Variants in FARP2 observed in about 807,000 individuals in gnomAD.
FARP2 encodes FERM, ARH/RhoGEF and pleckstrin domain protein 2, also known as FERM, ARHGEF and pleckstrin domain-containing protein 2.
A neutral mutation model predicts 130.5 loss-of-function variants in FARP2; 111 were observed. The observed-to-expected ratio is 0.85, with a 90% CI of 0.73 to 1.00. The LOEUF is 1.00. FARP2 is among the 50% of genes least tolerant of loss of function. FARP2 has a pLI of 0.00. For synonymous variants in FARP2, 504 were observed against 516.9 expected (o/e 0.98, Z 0.34); for missense variants, 1,385 against 1,346.3 (o/e 1.03, Z -0.45).
rs756995247 is a variant in FARP2 at position 241,403,936 on chromosome 2, A to C, written c.288+4A>C. 4 of 1,554,368 alleles carry C rather than the reference A, an allele frequency of 2.6e-6. No individual in the cohort carries two copies. In the African/African-American group the frequency reaches 5.4e-5, roughly 21 times the overall value. ...TCAAAATACTCAGTCCTACTGGGTA[A>C]GTGCTTATGACGTGCCCAGGCGTGG... On this transcript the variant is annotated splice_donor_region_variant and intron_variant, in intron 3 of 26. Coordinates refer to ENST00000264042, the MANE Select transcript of FARP2 (RefSeq NM_014808.4).
At chr2:241,400,111 T>G (rs1445691541) in intron 2 of FARP2, among the ~76,000 whole-genome samples, 2 of 152,186 alleles carry the variant, frequency 1.3e-5, no homozygotes, top group Non-Finnish European at 2.9e-5. Flanking sequence ...ATTAGTGTAG[T>G]CAGGCAGGGC....
Position 241,380,600 on chromosome 2 carries a change from C to A in FARP2, c.183+7310C>A, listed in dbSNP as rs577286995. 3.3e-5 allele frequency among the ~76,000 whole-genome samples: 5 copies of A among 151,990 alleles called. No homozygotes were observed. The East Asian group carries it at 9.6e-4, about 29-fold the overall frequency. ...TGAAAATCCAAAACCTGAATTGTTC[C>A]ATGAGCATTTCCTTTGAACATCATG... On this transcript the variant is annotated intron_variant, in intron 2 of 26. Coordinates refer to ENST00000264042, the MANE Select transcript of FARP2 (RefSeq NM_014808.4).
At chr2:241,462,439 A>G in intron 14 of FARP2, 84 bp from the exon 15 acceptor site, 1 of 918,384 alleles carries the variant, frequency 1.1e-6, no homozygotes, top group Non-Finnish European at 1.8e-6. Flanking sequence ...AGAAGAAAGC[A>G]AACATTACCA....
chr2:241,367,445 A>G (rs2061341412), intron 1 of FARP2, among the ~76,000 whole-genome samples: 1 of 152,146 alleles, frequency 6.6e-6, no homozygotes, highest in African/African-American at 2.4e-5. Flanking sequence ...TTAGAAAGAG[A>G]ATAAAGAAGG....
chr2:241,492,665 G>A, intron 24 of FARP2: 1 of 406,156 alleles, frequency 2.5e-6, no homozygotes, highest in Non-Finnish European at 4.4e-6. Context: ...TGGGTTTGTG[G>A]ATGGTTGGTT....
Position 241,400,261 on chromosome 2 carries a change from G to A in FARP2, c.184-3567G>A, listed in dbSNP as rs549387213. Among the ~76,000 whole-genome samples the A allele has an allele frequency of 2.6e-4, 39 of 152,294 alleles. 1 individual carries two copies. The highest frequency in any genetic ancestry group is 2.4e-3 in the Admixed American group (36 of 15,296). Reference sequence around the variant, plus strand: ...CAGCTAAGAGAATTTCATATTCTCTGTGCCACCTGAAGTGCACACTCAAGC... The same window carrying A: ...CAGCTAAGAGAATTTCATATTCTCTATGCCACCTGAAGTGCACACTCAAGC... On this transcript the variant is annotated intron_variant, in intron 2 of 26. Coordinates refer to ENST00000264042, the MANE Select transcript of FARP2 (RefSeq NM_014808.4).
At chr2:241,379,168 C>G (rs182881982) in intron 2 of FARP2, among the ~76,000 whole-genome samples, 179 of 152,284 alleles carry the variant, frequency 1.2e-3, no homozygotes, top group African/African-American at 4.2e-3. Flanking sequence ...CTTCCCAGAT[C>G]TTTAGAGGGT....
chr2:241,412,391 A>T (rs2062543376), intron 6 of FARP2, among the ~76,000 whole-genome samples: 2 of 152,162 alleles, frequency 1.3e-5, no homozygotes, highest in African/African-American at 4.8e-5. Context: ...ATCAAATGTC[A>T]TAGTTTATAG....
chr2:241,441,511 C>A lies in FARP2; in HGVS notation c.1366C>A (p.Pro456Thr), dbSNP rs762944857. The change falls in exon 13 of 27, where the codon CCA (proline) becomes ACA (threonine). Residue 456 changes from proline to threonine, a missense_variant. Pro to Thr is a conservative substitution (Grantham distance 38, BLOSUM62 -1). Coordinates refer to ENST00000264042, the MANE Select transcript of FARP2 (RefSeq NM_014808.4). ...SGAVAGGPDT[P>T]SAQPLGPPAL... Reference sequence around the variant, plus strand: ...AGCAGTGGCTGGAGGCCCCGACACACCATCGGCCCAGCCCCTCGGGCCCCC... The same window carrying A: ...AGCAGTGGCTGGAGGCCCCGACACAACATCGGCCCAGCCCCTCGGGCCCCC... The A allele has an allele frequency of 1.9e-6, 3 of 1,613,984 alleles. No homozygotes were observed. Among genetic ancestry groups the A allele is most frequent in the African/African-American group, 2.7e-5 (2 of 74,926 alleles).
intron 2 of FARP2, among the ~76,000 whole-genome samples, chr2:241,379,166 A>C (rs2061605335): frequency 6.6e-6 from 1 of 152,232 alleles, no homozygotes; most frequent in African/African-American, 2.4e-5. Context: ...GTCTTCCCAG[A>C]TCTTTAGAGG....
chr2:241,469,439 G>C (rs1037335940), intron 18 of FARP2, among the ~76,000 whole-genome samples: 1 of 152,098 alleles, frequency 6.6e-6, no homozygotes, highest in Non-Finnish European at 1.5e-5. Context: ...AAAATACTTA[G>C]CATTTCCTCT....
chr2:241,435,388 G>A (rs1338727098), intron 11 of FARP2, among the ~76,000 whole-genome samples: 1 of 151,672 alleles, frequency 6.6e-6, no homozygotes, highest in Non-Finnish European at 1.5e-5. Context: ...TTATAGGTGT[G>A]AGCCACCATG....
At chr2:241,484,015 C>T in intron 20 of FARP2, 8 of 1,343,982 alleles carry the variant, frequency 6.0e-6, no homozygotes, top group African/African-American at 1.5e-5. Flanking sequence ...GCTTCTCAGC[C>T]AAGCTAGCTG....
rs550733300 is a variant in FARP2 at position 241,387,908 on chromosome 2, G to A, written c.183+14618G>A. Among the ~76,000 whole-genome samples, 26 of 150,504 alleles carry A rather than the reference G, an allele frequency of 1.7e-4. 1 individual carries two copies. Among genetic ancestry groups the A allele is most frequent in the Admixed American group, 5.3e-4 (8 of 15,100 alleles). ...AACTTGTACACAGAAAATCATAAAA[G>A]TATTGAAAAAAATCAAAGATCATCT... On this transcript the variant is annotated intron_variant, in intron 2 of 26. Coordinates refer to ENST00000264042, the MANE Select transcript of FARP2 (RefSeq NM_014808.4).
At chr2:241,414,132 C>A (rs2062602842) in intron 7 of FARP2, among the ~76,000 whole-genome samples, 1 of 152,082 alleles carries the variant, frequency 6.6e-6, no homozygotes, top group Admixed American at 6.5e-5. Context: ...CTAACAGTGT[C>A]TGCCTGTGTC....
chr2:241,437,814 G>A lies in FARP2; in HGVS notation c.1158+1276G>A, dbSNP rs961718929. Among the ~76,000 whole-genome samples the A allele has an allele frequency of 1.1e-4, 16 of 151,894 alleles. 1 individual carries two copies. Among genetic ancestry groups the A allele is most frequent in the Admixed American group, 5.9e-4 (9 of 15,222 alleles). On this transcript the variant is annotated intron_variant, in intron 12 of 26. Coordinates refer to ENST00000264042, the MANE Select transcript of FARP2 (RefSeq NM_014808.4). The stretch of plus-strand genomic sequence containing the variant: ...CGAGTAGCTGGGACTGCAGGTGCCC[G>A]CCACCACGCCTGGCTAATTTGTTTG...
intron 10 of FARP2, 102 bp from the exon 11 acceptor site, chr2:241,434,860 A>G (rs988768088): frequency 1.3e-6 from 1 of 767,192 alleles, no homozygotes; most frequent in East Asian, 2.6e-5. Flanking sequence ...ATGTGTGTAT[A>G]TTTATGAGAG....
intron 2 of FARP2, among the ~76,000 whole-genome samples, chr2:241,390,633 C>T (rs890878842): frequency 6.6e-6 from 1 of 152,000 alleles, no homozygotes; most frequent in Non-Finnish European, 1.5e-5. Flanking sequence ...TTTATGAATA[C>T]CTTTACCTCT....
chr2:241,357,963 G>A (rs969237823), intron 1 of FARP2, among the ~76,000 whole-genome samples: 1 of 152,228 alleles, frequency 6.6e-6, no homozygotes, highest in Non-Finnish European at 1.5e-5. Context: ...GCCGAGGCAG[G>A]CAGATTGCAT....
Sources: gnomAD v4.1 joint callset for allele counts (sites outside exome capture counted in the v4.1 genomes callset) on GRCh38, gnomAD v4.1.1 for gene constraint, MANE v1.5 for transcripts, NCBI Gene and HGNC (gene_info 2026-07-23, HGNC 2026-07-21) for gene names.